The following SLC4A4 variants were observed in gnomAD, a reference collection of about 807,000 sequenced individuals.
SLC4A4 encodes electrogenic sodium bicarbonate cotransporter 1.
A neutral mutation model predicts 111.5 loss-of-function variants in SLC4A4; 27 were observed. The ratio of observed to expected loss-of-function variants is 0.24; its 90% confidence interval spans 0.18 to 0.33. The LOEUF (loss-of-function observed/expected upper bound fraction) is 0.33. Ranked by LOEUF, SLC4A4 falls within the 10% of genes least tolerant of loss-of-function variation. SLC4A4 has a pLI of 1.00. For synonymous variants in SLC4A4, 443 were observed against 463.4 expected (o/e 0.96, Z 0.57); for missense variants, 909 against 1,315.5 (o/e 0.69, Z 4.78).
intron 8 of SLC4A4, among the ~76,000 whole-genome samples, chr4:71,445,107 GT>G (rs770741288): frequency 1.3e-5 from 2 of 152,276 alleles, no homozygotes; most frequent in South Asian, 4.1e-4. Context: ...CATATATTGT[GT>G]TTATTGCTAT....
intron 16 of SLC4A4, among the ~76,000 whole-genome samples, chr4:71,523,551 G>C (rs112728864): frequency 1.3e-5 from 2 of 152,090 alleles, no homozygotes; most frequent in African/African-American, 4.8e-5. Context: ...AAAGCTTTTA[G>C]TGGTTGCAAA....
At chr4:71,254,769 A>T (rs943944393) in intron 2 of SLC4A4, among the ~76,000 whole-genome samples, 1 of 152,090 alleles carries the variant, frequency 6.6e-6, no homozygotes, top group African/African-American at 2.4e-5. Context: ...CACTAACCCT[A>T]CCCAGTATAA....
intron 1 of SLC4A4, among the ~76,000 whole-genome samples, chr4:71,075,408 A>G (rs942826658): frequency 1.3e-5 from 2 of 152,122 alleles, no homozygotes; most frequent in Admixed American, 6.5e-5. Flanking sequence ...TCTCATTTCA[A>G]TCAGAGAAAA....
At chr4:71,190,471 G>A (rs1349052667) in intron 1 of SLC4A4, among the ~76,000 whole-genome samples, 2 of 151,210 alleles carry the variant, frequency 1.3e-5, no homozygotes, top group African/African-American at 2.4e-5. Context: ...TAATTTTGTC[G>A]GAAGCCATAT....
chr4:71,328,347 A>G (rs556148255), intron 3 of SLC4A4, among the ~76,000 whole-genome samples: 1 of 152,128 alleles, frequency 6.6e-6, no homozygotes, highest in Non-Finnish European at 1.5e-5. Flanking sequence ...GCATATACCT[A>G]GCGGTGGGAT....
chr4:71,457,302 C>G (rs184871406), intron 12 of SLC4A4, among the ~76,000 whole-genome samples: 143 of 152,288 alleles, frequency 9.4e-4, no homozygotes, highest in Admixed American at 1.4e-3. Flanking sequence ...TACAATCATA[C>G]AGTTATAATG....
At position 71,565,453 on chromosome 4, in the gene SLC4A4, T is replaced by C. The variant is rs56706733; in HGVS notation, c.3197-1551T>C. Among the ~76,000 whole-genome samples, 890 of 151,968 alleles carry C rather than the reference T, an allele frequency of 5.9e-3. 10 individuals carry two copies. Among genetic ancestry groups the C allele is most frequent in the African/African-American group, 0.02 (831 of 41,516 alleles). ...CTCTGTCTAGTGGAGGCAGGGTAGC[T>C]TCTTGATGGCCAGGGTGTTGTCTTC... On this transcript the variant is annotated intron_variant, in intron 24 of 25. Transcript: ENST00000264485.
At chr4:71,551,458 A>G (rs926446144) in intron 20 of SLC4A4, among the ~76,000 whole-genome samples, 1 of 151,850 alleles carries the variant, frequency 6.6e-6, no homozygotes, top group African/African-American at 2.4e-5. Context: ...TGAGCTCGGC[A>G]TTTGATTAAG....
intron 2 of SLC4A4, among the ~76,000 whole-genome samples, chr4:71,170,991 G>A (rs150653431): frequency 3.2e-4 from 48 of 152,306 alleles, no homozygotes; most frequent in African/African-American, 1.1e-3. Context: ...AAAATGGTGA[G>A]AAATCTAGGC....
chr4:71,536,458 A>ATATATATG (rs1292521858), intron 18 of SLC4A4, among the ~76,000 whole-genome samples: 1 of 16,622 alleles, frequency 6.0e-5, no homozygotes, highest in African/African-American at 1.6e-4. Context: ...ACATATATAC[A>ATATATATG]TATATACATA....
chr4:71,274,614 T>C (rs1434366367), intron 3 of SLC4A4, among the ~76,000 whole-genome samples: 1 of 152,196 alleles, frequency 6.6e-6, no homozygotes, highest in East Asian at 1.9e-4. Context: ...TCAGGCTCTG[T>C]AGAATTTTTT....
chr4:71,190,988 G>A (rs148765487), intron 1 of SLC4A4, among the ~76,000 whole-genome samples: 11 of 152,240 alleles, frequency 7.2e-5, no homozygotes, highest in African/African-American at 2.6e-4. Context: ...TTCGAGTACT[G>A]GTAACAACAT....
At position 71,066,017 on chromosome 4, in the gene SLC4A4, A is replaced by G. The variant is rs147773028; in HGVS notation, c.-65+3229A>G. ...TACAATAAATATCTAACACAGCTCA[A>G]TAAGTATTTCTTGAATCAATGAATG... is the stretch of plus-strand genomic sequence containing the variant. On this transcript the variant is annotated intron_variant, in intron 1 of 26. Coordinates refer to the SLC4A4 transcript ENST00000649996. Among the ~76,000 whole-genome samples the G allele has an allele frequency of 4.4e-3, 669 of 152,322 alleles. 7 individuals carry two copies. The highest frequency in any genetic ancestry group is 0.015 in the African/African-American group (640 of 41,564).
intron 3 of SLC4A4, among the ~76,000 whole-genome samples, chr4:71,273,799 C>T (rs143209004): frequency 1.7e-3 from 253 of 151,960 alleles, no homozygotes; most frequent in African/African-American, 5.9e-3. Context: ...ATCAGATTGA[C>T]CTGGTTCAGA....
chr4:71,391,142 A>C (rs1398815289), intron 6 of SLC4A4, among the ~76,000 whole-genome samples: 1 of 152,136 alleles, frequency 6.6e-6, no homozygotes, highest in East Asian at 1.9e-4. Context: ...GTCCCAAGCA[A>C]TGAAAATCAG....
chr4:71,496,502 T>A (rs1208266512), intron 15 of SLC4A4, among the ~76,000 whole-genome samples: 1 of 152,022 alleles, frequency 6.6e-6, no homozygotes, highest in Non-Finnish European at 1.5e-5. Flanking sequence ...GGTATAGTTT[T>A]AGACCCCGGT....
At chr4:71,276,907 G>C (rs1461749583) in intron 3 of SLC4A4, among the ~76,000 whole-genome samples, 3 of 152,114 alleles carry the variant, frequency 2.0e-5, no homozygotes, top group African/African-American at 7.2e-5. Context: ...AATAAGCCAG[G>C]TGTGGTGGTG....
intron 2 of SLC4A4, among the ~76,000 whole-genome samples, chr4:71,115,535 C>T (rs1357888268): frequency 6.6e-6 from 1 of 152,062 alleles, no homozygotes. Context: ...TAGAATTTGA[C>T]CTAATGTGTG....
At chr4:71,364,463 A>T (rs749017919) in intron 6 of SLC4A4, among the ~76,000 whole-genome samples, 5 of 152,198 alleles carry the variant, frequency 3.3e-5, no homozygotes, top group African/African-American at 1.2e-4. Context: ...AAAACAATAG[A>T]AATTTATTGC....
Sources: allele counts gnomAD v4.1 joint callset (sites outside exome capture counted in the v4.1 genomes callset), GRCh38; gene constraint gnomAD v4.1.1; transcripts MANE v1.5; gene names NCBI Gene and HGNC (gene_info 2026-07-23, HGNC 2026-07-21).